Variants in PARD3 observed in about 807,000 individuals in gnomAD.
PARD3 encodes par-3 family cell polarity regulator, also known as partitioning defective 3 homolog.
A neutral mutation model predicts 155.4 loss-of-function variants in PARD3; 75 were observed. That is an observed-to-expected ratio of 0.48 (90% CI 0.40 to 0.58). The LOEUF is 0.58. Among genes scored for constraint, PARD3 ranks in the 20% least tolerant of loss-of-function variants. The pLI, the probability that PARD3 is intolerant of heterozygous loss-of-function variation, is 0.00. For missense variants in PARD3, 1,642 were observed against 1,721.7 expected, an observed-to-expected ratio of 0.95 and a Z score of 0.82; for synonymous variants, 576 against 610.5, an observed-to-expected ratio of 0.94 and a Z score of 0.83.
intron 1 of PARD3, among the ~76,000 whole-genome samples, chr10:34,785,097 C>A (rs1378289616): frequency 6.6e-6 from 1 of 152,204 alleles, no homozygotes; most frequent in Non-Finnish European, 1.5e-5. Context: ...TATATGTGGA[C>A]TACTAGACAA....
At chr10:34,638,127 G>A (rs2092548909) in intron 2 of PARD3, among the ~76,000 whole-genome samples, 1 of 152,126 alleles carries the variant, frequency 6.6e-6, no homozygotes, top group African/African-American at 2.4e-5. Context: ...TGGACTAAAG[G>A]AGGCTGTGTG....
intron 5 of PARD3, among the ~76,000 whole-genome samples, chr10:34,405,591 G>A (rs1844380194): frequency 6.6e-6 from 1 of 152,114 alleles, no homozygotes; most frequent in Non-Finnish European, 1.5e-5. Context: ...GTGGGGTGGT[G>A]GTTGAAGACA....
At chr10:34,188,748 C>CTA (rs1554805420) in intron 22 of PARD3, among the ~76,000 whole-genome samples, 133 of 132,994 alleles carry the variant, frequency 1.0e-3, no homozygotes, top group Non-Finnish European at 1.5e-3. Flanking sequence ...CTTAAAATCG[C>CTA]TTTTTTTTTT....
At chr10:34,636,622 A>G (rs1435429424) in intron 2 of PARD3, among the ~76,000 whole-genome samples, 4 of 152,230 alleles carry the variant, frequency 2.6e-5, no homozygotes, top group African/African-American at 9.6e-5. Context: ...ATGGTGTGCT[A>G]GTTCCCGTCA....
chr10:34,184,698 G>GGT (rs1950408559), intron 22 of PARD3, among the ~76,000 whole-genome samples: 2 of 135,036 alleles, frequency 1.5e-5, no homozygotes, highest in Non-Finnish European at 3.1e-5. Context: ...AGGCCTTTCG[G>GGT]TTTTTTTTTT....
At chr10:34,777,064 G>A (rs1458901719) in intron 1 of PARD3, among the ~76,000 whole-genome samples, 1 of 148,362 alleles carries the variant, frequency 6.7e-6, no homozygotes, top group African/African-American at 2.6e-5. Flanking sequence ...TGTTGGCCAG[G>A]CTGGTCTCAA....
At chr10:34,219,517 C>T (rs1023859608) in intron 22 of PARD3, among the ~76,000 whole-genome samples, 8 of 152,058 alleles carry the variant, frequency 5.3e-5, no homozygotes, top group South Asian at 2.1e-4. Context: ...TATGCAATGG[C>T]GTAGTAGAAT....
At chr10:34,618,006 A>C (rs1174722022) in intron 2 of PARD3, among the ~76,000 whole-genome samples, 1 of 152,212 alleles carries the variant, frequency 6.6e-6, no homozygotes, top group Non-Finnish European at 1.5e-5. Context: ...GTGGCACTCA[A>C]CTGTATTCTG....
rs1049312089 is a variant in PARD3, at chr10:34,131,637, C to T, written c.3420-54G>A. On this transcript the variant is annotated intron_variant, in intron 22 of 24. Coordinates refer to ENST00000374788, the MANE Select transcript of PARD3 (RefSeq NM_001184785.2). ...ACCCTTCAGAAATATTATCTGTGAACTGCAGTTGCTAGCAAAACATGGCAA... is the reference window on the plus strand; with the variant it reads ...ACCCTTCAGAAATATTATCTGTGAATTGCAGTTGCTAGCAAAACATGGCAA... 15 of 1,540,460 alleles carry T rather than the reference C, an allele frequency of 9.7e-6. 1 individual carries two copies. The South Asian group carries it at 1.4e-4, about 14-fold the overall frequency.
intron 2 of PARD3, among the ~76,000 whole-genome samples, chr10:34,553,599 T>C (rs1413912853): frequency 1.3e-5 from 2 of 152,140 alleles, no homozygotes; most frequent in Non-Finnish European, 2.9e-5. Context: ...TCATGGAACA[T>C]GCTAAGGAGA....
chr10:34,444,325 G>C (rs890455109), intron 5 of PARD3, among the ~76,000 whole-genome samples: 1 of 152,204 alleles, frequency 6.6e-6, no homozygotes, highest in Non-Finnish European at 1.5e-5. Flanking sequence ...TGCCTCTTCT[G>C]TGGAATTTAT....
chr10:34,526,792 G>A (rs1327546106), intron 2 of PARD3, among the ~76,000 whole-genome samples: 1 of 152,162 alleles, frequency 6.6e-6, no homozygotes, highest in Non-Finnish European at 1.5e-5. Context: ...CTACCAACTT[G>A]TACCGTTGAG....
At chr10:34,122,702 C>T (rs1947072059) in intron 23 of PARD3, among the ~76,000 whole-genome samples, 1 of 152,150 alleles carries the variant, frequency 6.6e-6, no homozygotes, top group Non-Finnish European at 1.5e-5. Flanking sequence ...ACATGACCAG[C>T]CCAGAGCAAC....
intron 20 of PARD3, among the ~76,000 whole-genome samples, chr10:34,301,329 A>G (rs1239489477): frequency 6.6e-6 from 1 of 152,190 alleles, no homozygotes; most frequent in Non-Finnish European, 1.5e-5. Flanking sequence ...AGCAGGAACA[A>G]TGTTGACCAC....
intron 4 of PARD3, among the ~76,000 whole-genome samples, chr10:34,452,666 A>G (rs959489779): frequency 2.0e-5 from 3 of 151,982 alleles, no homozygotes; most frequent in Non-Finnish European, 4.4e-5. Context: ...GCTGATTATT[A>G]TCTCTCTGGA....
chr10:34,190,674 C>T (rs1396084329), intron 22 of PARD3, among the ~76,000 whole-genome samples: 1 of 152,058 alleles, frequency 6.6e-6, no homozygotes, highest in Non-Finnish European at 1.5e-5. Context: ...GGGAGATACA[C>T]CAGGAAACAA....
intron 1 of PARD3, among the ~76,000 whole-genome samples, chr10:34,805,840 G>C (rs904535381): frequency 6.6e-6 from 1 of 151,916 alleles, no homozygotes; most frequent in African/African-American, 2.4e-5. Flanking sequence ...AGCCAGGCGT[G>C]GTGGTGGGCA....
At chr10:34,647,993 T>C (rs552839310) in intron 2 of PARD3, among the ~76,000 whole-genome samples, 124 of 152,196 alleles carry the variant, frequency 8.1e-4, no homozygotes, top group Non-Finnish European at 1.2e-3. Flanking sequence ...TACATGTAGA[T>C]ATGTGCCAAT....
intron 1 of PARD3, among the ~76,000 whole-genome samples, chr10:34,713,012 C>T (rs1344604847): frequency 6.6e-6 from 1 of 152,084 alleles, no homozygotes; most frequent in Non-Finnish European, 1.5e-5. Context: ...AGCTCGAGAC[C>T]AGCCTGGCCA....
Sources: allele counts gnomAD v4.1 joint callset (sites outside exome capture counted in the v4.1 genomes callset), GRCh38; gene constraint gnomAD v4.1.1; transcripts MANE v1.5; gene names NCBI Gene and HGNC (gene_info 2026-07-23, HGNC 2026-07-21).